NINL: variants seen among roughly 807,000 people sequenced by gnomAD.
NINL encodes the protein ninein like, also known as ninein-like protein.
NINL carries 153 observed loss-of-function variants against 160.3 expected under a neutral mutation model. The observed-to-expected ratio is 0.95, with a 90% CI of 0.84 to 1.09. The LOEUF is 1.09. Ranked by LOEUF, NINL falls within the 50% of genes least tolerant of loss-of-function variation. The pLI, the probability that NINL is intolerant of heterozygous loss-of-function variation, is 0.00. For synonymous variants in NINL, 800 were observed against 734.8 expected (o/e 1.09, Z -1.43); for missense variants, 1,829 against 1,764.0 (o/e 1.04, Z -0.66).
intron 1 of NINL, among the ~76,000 whole-genome samples, chr20:25,575,549 G>A (rs905348261): frequency 1.3e-5 from 2 of 151,122 alleles, no homozygotes; most frequent in African/African-American, 2.4e-5. Flanking sequence ...TCAGGAATTC[G>A]AGACCAGCTC....
chr20:25,525,838 C>T (rs1268085089), intron 2 of NINL, among the ~76,000 whole-genome samples: 2 of 152,112 alleles, frequency 1.3e-5, no homozygotes, highest in African/African-American at 4.8e-5. Flanking sequence ...GGACCAAGAT[C>T]CCCATTCTAG....
intron 15 of NINL, 149 bp from the exon 16 acceptor site, chr20:25,479,355 A>T: frequency 9.9e-7 from 1 of 1,006,374 alleles, no homozygotes; most frequent in Non-Finnish European, 1.4e-6. Context: ...AGAAGGGGAC[A>T]GTGACATGAA....
In NINL at chr20:25,489,291, C is replaced by T; in HGVS notation, c.1630G>A (p.Glu544Lys). Residue 544 changes from glutamate (E) to lysine (K), a missense_variant, in exon 13 of 24, where the codon GAG (glutamate) becomes AAG (lysine). Glu to Lys is a moderately conservative substitution (Grantham distance 56). Coordinates refer to ENST00000278886, the MANE Select transcript of NINL (RefSeq NM_025176.6). ...EPQSAELLAQEERFAAVLKEY... is the reference protein window; with the variant it reads ...EPQSAELLAQKERFAAVLKEY... ...TTCAGGACTGCTGCGAACCGCTCCTCCTGGGCCAGGAGCTCTGCACTCTGT... is the reference window on the plus strand; with the variant it reads ...TTCAGGACTGCTGCGAACCGCTCCTTCTGGGCCAGGAGCTCTGCACTCTGT... 6.2e-7 allele frequency: 1 copy of T among 1,614,146 alleles called. No individual in the cohort carries two copies. Among genetic ancestry groups the T allele is most frequent in the Non-Finnish European group, 8.5e-7 (1 of 1,180,020 alleles).
intron 10 of NINL, among the ~76,000 whole-genome samples, chr20:25,495,771 C>A (rs1296371805): frequency 6.6e-6 from 1 of 152,234 alleles, no homozygotes; most frequent in Non-Finnish European, 1.5e-5. Flanking sequence ...CTGCCTGAGC[C>A]TGGGACACCC....
At position 25,476,727 on chromosome 20, in the gene NINL, T is replaced by A; in HGVS notation, c.2564A>T (p.Glu855Val). 1 of 1,604,120 alleles carries A rather than the reference T, an allele frequency of 6.2e-7. No individual in the cohort carries two copies. Among genetic ancestry groups the A allele is most frequent in the South Asian group, 1.1e-5 (1 of 90,698 alleles). Residue 855 changes from glutamate (E) to valine (V), a missense_variant, in exon 17 of 24, where the codon GAG becomes GTG. By Grantham distance (121) the Glu-to-Val change is moderately radical. Transcript: ENST00000278886. ...TGGGGCCAGCCAGGCCAGTGGCCGC[T>A]CCCCACAGCCCGGACGCAGTGGTAG... is the stretch of plus-strand genomic sequence containing the variant. ...GLLPLRPGCG[E>V]RPLAWLAPGD...
intron 1 of NINL, among the ~76,000 whole-genome samples, chr20:25,580,726 T>G (rs983565725): frequency 6.6e-6 from 1 of 152,316 alleles, no homozygotes; most frequent in African/African-American, 2.4e-5. Context: ...ACAACAATAA[T>G]CAGAATCCAG....
At chr20:25,471,962 C>T (rs2063104781) in intron 17 of NINL, among the ~76,000 whole-genome samples, 1 of 152,090 alleles carries the variant, frequency 6.6e-6, no homozygotes, top group Admixed American at 6.6e-5. Context: ...CTAGAAACTG[C>T]AGGTATTGGA....
intron 1 of NINL, among the ~76,000 whole-genome samples, chr20:25,577,778 A>T (rs527796979): frequency 6.6e-6 from 1 of 151,614 alleles, no homozygotes; most frequent in Non-Finnish European, 1.5e-5. Flanking sequence ...CTCGGGGCTT[A>T]CTACTGTCCT....
chr20:25,465,797 C>G (rs1003379508), intron 19 of NINL, among the ~76,000 whole-genome samples: 4 of 152,146 alleles, frequency 2.6e-5, no homozygotes, highest in Non-Finnish European at 4.4e-5. Context: ...CACAATGTGG[C>G]ACCCCCAGCT....
chr20:25,480,034 A>G (rs936552867), intron 15 of NINL, 127 bp downstream of exon 15: 6 of 699,894 alleles, frequency 8.6e-6, no homozygotes, highest in African/African-American at 7.1e-5. Context: ...TTCCTCCCCA[A>G]AGGGGCTCAC....
intron 16 of NINL, 94 bp downstream of exon 16, chr20:25,478,829 A>C: frequency 7.1e-7 from 1 of 1,416,088 alleles, no homozygotes; most frequent in East Asian, 2.3e-5. Context: ...GTCGGGAGGC[A>C]CAGCAATTCT....
intron 8 of NINL, chr20:25,499,168 G>T: frequency 1.0e-6 from 1 of 985,410 alleles, no homozygotes; most frequent in Non-Finnish European, 1.2e-6. Flanking sequence ...CCACTTCCCA[G>T]CAGCTCCTGA....
chr20:25,497,140 G>A (rs2063773244), intron 9 of NINL, among the ~76,000 whole-genome samples: 1 of 152,178 alleles, frequency 6.6e-6, no homozygotes, highest in South Asian at 2.1e-4. Flanking sequence ...CCCTCTCATC[G>A]GCAGCTGGGC....
intron 1 of NINL, among the ~76,000 whole-genome samples, chr20:25,545,440 T>A (rs934222814): frequency 6.6e-6 from 1 of 151,362 alleles, no homozygotes; most frequent in African/African-American, 2.4e-5. Flanking sequence ...CATGTCCTCA[T>A]GTATGGGAGG....
intron 1 of NINL, among the ~76,000 whole-genome samples, chr20:25,571,760 A>C (rs1459118924): frequency 6.7e-6 from 1 of 149,250 alleles, no homozygotes; most frequent in African/African-American, 2.5e-5. Flanking sequence ...CCAGTTACTC[A>C]GGAGGCTGAG....
chr20:25,471,194 G>C (rs2082145312), intron 17 of NINL, among the ~76,000 whole-genome samples: 1 of 151,912 alleles, frequency 6.6e-6, no homozygotes, highest in South Asian at 2.1e-4. Context: ...GGTCTCGATA[G>C]GTTGCCCAGG....
In NINL at chr20:25,505,089, G is replaced by T; in HGVS notation, c.518-11C>A. The T allele has an allele frequency of 6.4e-7, 1 of 1,562,586 alleles. No individual in the cohort carries two copies. On this transcript the variant is annotated splice_polypyrimidine_tract_variant and intron_variant, in intron 5 of 23. Coordinates refer to ENST00000278886, the MANE Select transcript of NINL (RefSeq NM_025176.6). ...AGGTCTGCAGCTGTCCTGAAGCAAGGGAGGAGTCACAGTTACACCCTGATA... is the reference window on the plus strand; with the variant it reads ...AGGTCTGCAGCTGTCCTGAAGCAAGTGAGGAGTCACAGTTACACCCTGATA...
intron 1 of NINL, among the ~76,000 whole-genome samples, chr20:25,562,208 C>T (rs376719377): frequency 2.7e-4 from 37 of 135,212 alleles, no homozygotes; most frequent in South Asian, 7.5e-4. Context: ...CCGCCCCGTC[C>T]GGGAGGTGAG....
intron 3 of NINL, among the ~76,000 whole-genome samples, chr20:25,514,661 G>A (rs2064131094): frequency 1.3e-5 from 2 of 152,216 alleles, no homozygotes; most frequent in African/African-American, 4.8e-5. Flanking sequence ...CAGCTCACAG[G>A]CCAAGGAGGA....
Sources: allele counts gnomAD v4.1 joint callset (sites outside exome capture counted in the v4.1 genomes callset), GRCh38; gene constraint gnomAD v4.1.1; transcripts MANE v1.5; gene names NCBI Gene and HGNC (gene_info 2026-07-23, HGNC 2026-07-21).